USP48: variants seen among roughly 807,000 people sequenced by gnomAD.
USP48 encodes the protein ubiquitin carboxyl-terminal hydrolase 48.
A neutral mutation model predicts 150.7 loss-of-function variants in USP48; 43 were observed. That is an observed-to-expected ratio of 0.29 (90% CI 0.22 to 0.37). The LOEUF is 0.37. USP48 is among the 10% of genes least tolerant of loss of function. USP48 has a pLI of 1.00. For missense variants in USP48, 813 were observed against 1,249.6 expected (o/e 0.65, Z 5.27); for synonymous variants, 396 against 425.9 (o/e 0.93, Z 0.86).
chr1:21,757,872 T>C, intron 1 of USP48, 89 bp from the exon 2 acceptor site: 1 of 1,431,100 alleles, frequency 7.0e-7, no homozygotes, highest in Non-Finnish European at 9.2e-7. Flanking sequence ...ATACCACTTC[T>C]CATCTATAAA....
intron 2 of USP48, 77 bp from the exon 3 acceptor site, chr1:21,756,779 T>A (rs548462121): frequency 6.4e-7 from 1 of 1,567,860 alleles, no homozygotes; most frequent in Admixed American, 1.9e-5. Context: ...ATTCTTAAAT[T>A]TTCAGATTAA....
chr1:21,681,184 G>C (rs1416371550), intron 25 of USP48: 1 of 183,990 alleles, frequency 5.4e-6, no homozygotes, highest in Non-Finnish European at 1.1e-5. Context: ...CCAAGTTCTG[G>C]AAGGAGTCAC....
intron 25 of USP48, among the ~76,000 whole-genome samples, chr1:21,683,562 T>A (rs963914718): frequency 1.3e-5 from 2 of 152,100 alleles, no homozygotes; most frequent in African/African-American, 4.8e-5. Flanking sequence ...TTTTTTAAAA[T>A]TTGTAGTAGA....
chr1:21,756,746 T>C (rs1163588349), intron 2 of USP48, 44 bp from the exon 3 acceptor site: 1 of 1,602,150 alleles, frequency 6.2e-7, no homozygotes. Flanking sequence ...CATTTTCCTT[T>C]AAACAACCAA....
At position 21,678,782 on chromosome 1, in the gene USP48, G is replaced by C. The variant is rs896167945; in HGVS notation, c.*635C>G. 1 of 153,134 alleles carries C rather than the reference G, an allele frequency of 6.5e-6. No homozygotes were observed. The highest frequency in any genetic ancestry group is 1.5e-5 in the Non-Finnish European group (1 of 68,800). The allele number at this position is 153,134 out of a possible 1,614,324, so 9.5% of individuals were successfully genotyped here. On this transcript the variant is annotated 3_prime_UTR_variant, in exon 27 of 27. Transcript: ENST00000308271. The stretch of plus-strand genomic sequence containing the variant: ...ATTCCTTGCTCATTGCAGGAGACAT[G>C]CAGGTGCCCCCTCCTTTACCCAATA...
intron 25 of USP48, among the ~76,000 whole-genome samples, chr1:21,683,056 T>C (rs148806793): frequency 2.7e-4 from 41 of 152,070 alleles, no homozygotes; most frequent in Non-Finnish European, 5.3e-4. Flanking sequence ...ACGACAGGAA[T>C]TTGAGACCAG....
At chr1:21,701,095 G>A (rs1189940496) in intron 22 of USP48, among the ~76,000 whole-genome samples, 3 of 150,702 alleles carry the variant, frequency 2.0e-5, no homozygotes, top group South Asian at 2.1e-4. Flanking sequence ...GGCCGGGTGC[G>A]GTGGCTCCTG....
chr1:21,749,137 C>A (rs1004858833), intron 6 of USP48, among the ~76,000 whole-genome samples: 2 of 152,018 alleles, frequency 1.3e-5, no homozygotes, highest in African/African-American at 4.8e-5. Context: ...CATAGCTAAC[C>A]GAAGACTCAA....
chr1:21,697,303 ATG>A (rs2097637421), intron 22 of USP48, among the ~76,000 whole-genome samples: 1 of 151,754 alleles, frequency 6.6e-6, no homozygotes, highest in Non-Finnish European at 1.5e-5. Context: ...TTAAGTGCAC[ATG>A]TGAGTTAAAA....
intron 8 of USP48, among the ~76,000 whole-genome samples, chr1:21,740,303 AT>A (rs2097778613): frequency 6.6e-6 from 1 of 152,222 alleles, no homozygotes; most frequent in African/African-American, 2.4e-5. Flanking sequence ...TATCCTTTCC[AT>A]TTAAGCCTGA....
intron 1 of USP48, among the ~76,000 whole-genome samples, chr1:21,778,603 A>G (rs2097906246): frequency 4.9e-5 from 4 of 81,114 alleles, no homozygotes; most frequent in African/African-American, 2.2e-4. Context: ...CCTCATCTTA[A>G]AAAAAAAAAA....
intron 22 of USP48, 52 bp from the exon 23 acceptor site, chr1:21,695,273 C>CCCTT: frequency 4.0e-6 from 6 of 1,506,200 alleles, no homozygotes; most frequent in African/African-American, 1.4e-5. Context: ...CACAATGTGA[C>CCCTT]CCTTGCTCAT....
At position 21,736,596 on chromosome 1, in the gene USP48, C is replaced by A. The variant is rs1379266340; in HGVS notation, c.1021G>T (p.Val341Phe). The A allele has an allele frequency of 6.5e-7, 1 of 1,537,348 alleles. No homozygotes were observed. Among genetic ancestry groups the A allele is most frequent in the Admixed American group, 2.2e-5 (1 of 45,508 alleles). ...GCACTCACTCCTCTGTGTATGAGGACTGCGCTGAGTTCATACACGTAGGAC... is the reference window on the plus strand; with the variant it reads ...GCACTCACTCCTCTGTGTATGAGGAATGCGCTGAGTTCATACACGTAGGAC... ...GGSYVYELSA[V>F]LIHRGVSAYS... The change falls in exon 9 of 27, where the codon GTC (valine) becomes TTC (phenylalanine). Residue 341 changes from valine (V) to phenylalanine (F), a missense_variant. By Grantham distance (50) the Val-to-Phe change is conservative (BLOSUM62 -1). Transcript: ENST00000308271.
At chr1:21,729,243 C>T (rs547928870) in intron 10 of USP48, among the ~76,000 whole-genome samples, 1 of 150,242 alleles carries the variant, frequency 6.7e-6, no homozygotes, top group East Asian at 2.0e-4. Context: ...GACTGCACCA[C>T]TGCACTCCAG....
intron 4 of USP48, 141 bp downstream of exon 4, chr1:21,752,851 G>A (rs543654840): frequency 8.0e-7 from 1 of 1,245,438 alleles, no homozygotes; most frequent in Non-Finnish European, 1.1e-6. Context: ...GTAAACTATT[G>A]GACAGTAAAT....
At chr1:21,724,553 T>C (rs2097731079) in intron 11 of USP48, 2 of 176,972 alleles carry the variant, frequency 1.1e-5, no homozygotes, top group South Asian at 3.5e-4. Flanking sequence ...AAAATTAAAA[T>C]GAGAAGCCAA....
intron 3 of USP48, among the ~76,000 whole-genome samples, chr1:21,755,014 G>C (rs142486865): frequency 2.0e-5 from 3 of 152,110 alleles, no homozygotes; most frequent in Non-Finnish European, 2.9e-5. Flanking sequence ...GTTGTTCCCT[G>C]TATCTGCTGT....
At chr1:21,778,472 C>T (rs1406654352) in intron 1 of USP48, among the ~76,000 whole-genome samples, 1 of 151,720 alleles carries the variant, frequency 6.6e-6, no homozygotes, top group Non-Finnish European at 1.5e-5. Context: ...CTGACAATTC[C>T]TCAAAATATT....
At chr1:21,735,365 C>G (rs966479871) in intron 9 of USP48, among the ~76,000 whole-genome samples, 1 of 101,476 alleles carries the variant, frequency 9.9e-6, no homozygotes, top group Non-Finnish European at 2.2e-5. Context: ...CTTTGGGAGG[C>G]CAAGGCGGGA....
Sources: gnomAD v4.1 joint callset for allele counts (sites outside exome capture counted in the v4.1 genomes callset) on GRCh38, gnomAD v4.1.1 for gene constraint, MANE v1.5 for transcripts, NCBI Gene and HGNC (gene_info 2026-07-23, HGNC 2026-07-21) for gene names.